Variants in RNF111 observed in about 807,000 individuals in gnomAD.
RNF111 encodes E3 ubiquitin-protein ligase Arkadia.
In RNF111, 17 loss-of-function variants were observed where a neutral mutation model predicts 95.1. The ratio of observed to expected loss-of-function variants is 0.18; its 90% confidence interval spans 0.12 to 0.27. The LOEUF is 0.27. RNF111 is among the 10% of genes least tolerant of loss of function. The pLI, the probability that RNF111 is intolerant of heterozygous loss-of-function variation, is 1.00. For missense variants in RNF111, 1,189 were observed against 1,210.4 expected (o/e 0.98, Z 0.26); for synonymous variants, 440 against 414.8 (o/e 1.06, Z -0.74).
chr15:59,020,750 G>A (rs1179691837), intron 1 of RNF111, among the ~76,000 whole-genome samples: 1 of 152,086 alleles, frequency 6.6e-6, no homozygotes, highest in African/African-American at 2.4e-5. Flanking sequence ...GAATTTAGGG[G>A]GCTGAAACAT....
chr15:59,001,204 C>T (rs903215422), intron 1 of RNF111, among the ~76,000 whole-genome samples: 1 of 152,084 alleles, frequency 6.6e-6, no homozygotes, highest in Non-Finnish European at 1.5e-5. Flanking sequence ...AGCCTAGAAA[C>T]TACTGGGGCT....
intron 4 of RNF111, among the ~76,000 whole-genome samples, chr15:59,056,752 G>T (rs2042215813): frequency 6.6e-6 from 1 of 152,100 alleles, no homozygotes; most frequent in African/African-American, 2.4e-5. Context: ...TTGTTTTGAA[G>T]CACTGTAAAT....
intron 1 of RNF111, among the ~76,000 whole-genome samples, chr15:59,019,049 G>A (rs1048069586): frequency 9.3e-5 from 14 of 151,346 alleles, no homozygotes; most frequent in Middle Eastern, 3.4e-3. Context: ...TCAGCCACCC[G>A]TGTAGGTGAG....
chr15:59,077,760 TGTTAA>T (rs1690664973), intron 7 of RNF111, among the ~76,000 whole-genome samples: 1 of 152,250 alleles, frequency 6.6e-6, no homozygotes, highest in Non-Finnish European at 1.5e-5. Context: ...AGATAAATAC[TGTTAA>T]GTTTTCTCTC....
At chr15:58,988,443 G>C (rs1038463075) in intron 1 of RNF111, 1 of 152,494 alleles carries the variant, frequency 6.6e-6, no homozygotes, top group Non-Finnish European at 1.5e-5. Context: ...CGCTAAGTCA[G>C]CCCTGACGGC....
chr15:59,075,265 A>C (rs1170159881), intron 6 of RNF111, among the ~76,000 whole-genome samples: 1 of 152,110 alleles, frequency 6.6e-6, no homozygotes, highest in East Asian at 1.9e-4. Context: ...AAAACAAAAA[A>C]CCCCGAACAT....
chr15:59,016,858 C>T (rs982176608), intron 1 of RNF111, among the ~76,000 whole-genome samples: 2 of 152,098 alleles, frequency 1.3e-5, no homozygotes, highest in Non-Finnish European at 2.9e-5. Flanking sequence ...TGCTTGAGTT[C>T]TGCTTCCTGT....
chr15:59,051,389 C>T (rs753985306), intron 2 of RNF111, among the ~76,000 whole-genome samples: 60 of 147,160 alleles, frequency 4.1e-4, no homozygotes, highest in Non-Finnish European at 7.0e-4. Context: ...ACCCAGGAGG[C>T]GGAGCTTGCA....
intron 12 of RNF111, among the ~76,000 whole-genome samples, chr15:59,092,135 T>A (rs74480339): frequency 0.031 from 4,756 of 152,298 alleles, 248 homozygotes; most frequent in African/African-American, 0.11. Context: ...ATTCAAGTTT[T>A]CAACTGTCCA....
chr15:59,095,166 T>C lies in RNF111; in HGVS notation c.*266T>C, dbSNP rs1208588229. On this transcript the variant is annotated 3_prime_UTR_variant, in exon 14 of 14. Coordinates refer to ENST00000348370, the MANE Select transcript of RNF111 (RefSeq NM_017610.8). Reference sequence around the variant, plus strand: ...GCATGGTTCCTTGTATTGCATTTCTTTGCACATATTATGGGCTTGTGACCC... The same window carrying C: ...GCATGGTTCCTTGTATTGCATTTCTCTGCACATATTATGGGCTTGTGACCC... 1 of 344,414 alleles carries C rather than the reference T, an allele frequency of 2.9e-6. No homozygotes were observed. Among genetic ancestry groups the C allele is most frequent in the Non-Finnish European group, 5.3e-6 (1 of 187,498 alleles). 21.3% of individuals were successfully genotyped at this position (344,414 alleles called of 1,614,324 possible).
At chr15:58,988,893 A>G (rs892133432) in intron 1 of RNF111, among the ~76,000 whole-genome samples, 1 of 152,172 alleles carries the variant, frequency 6.6e-6, no homozygotes, top group Non-Finnish European at 1.5e-5. Flanking sequence ...GACATAGACT[A>G]CGTTTTGTAG....
chr15:59,083,988 A>G (rs1203017977), intron 8 of RNF111, 141 bp from the exon 9 acceptor site: 1 of 581,446 alleles, frequency 1.7e-6, no homozygotes, highest in Non-Finnish European at 2.5e-6. Flanking sequence ...ATATGTTTTT[A>G]TAATTTATTA....
rs145204570 is a variant in RNF111, at chr15:59,055,770, A to T, written c.1096A>T (p.Ser366Cys). The change falls in exon 4 of 14, where the codon AGT becomes TGT. Residue 366 changes from serine to cysteine, a missense_variant. Ser to Cys is a moderately radical substitution (Grantham distance 112, BLOSUM62 -1). Coordinates refer to ENST00000348370, the MANE Select transcript of RNF111 (RefSeq NM_017610.8). The stretch of plus-strand genomic sequence containing the variant: ...TCGGCCACAGGAGCCACGGAACCGC[A>T]GTAGGATTTCTACTGTTATACAGCC... ...ASRPQEPRNR[S>C]RISTVIQPLR... 1.2e-6 allele frequency: 2 copies of T among 1,614,054 alleles called. No homozygotes were observed.
chr15:58,997,203 G>A (rs969782979), intron 1 of RNF111, among the ~76,000 whole-genome samples: 1 of 152,064 alleles, frequency 6.6e-6, no homozygotes, highest in Non-Finnish European at 1.5e-5. Context: ...TATGACCCAA[G>A]TCTTTTCTCT....
chr15:59,041,543 A>G (rs1417670507), intron 2 of RNF111, among the ~76,000 whole-genome samples: 1 of 152,180 alleles, frequency 6.6e-6, no homozygotes, highest in Non-Finnish European at 1.5e-5. Flanking sequence ...CCTGGGTGAC[A>G]GAGTGGGACT....
chr15:59,072,558 A>G (rs772822858), intron 6 of RNF111, among the ~76,000 whole-genome samples: 39 of 140,542 alleles, frequency 2.8e-4, no homozygotes, highest in Middle Eastern at 4.3e-3. Flanking sequence ...GGTTCATGCC[A>G]TTCTGCCTCA....
intron 2 of RNF111, among the ~76,000 whole-genome samples, chr15:59,045,743 A>G (rs1287549728): frequency 6.6e-6 from 1 of 152,246 alleles, no homozygotes; most frequent in East Asian, 1.9e-4. Flanking sequence ...TTAATTAACA[A>G]GTAACATGTC....
chr15:58,992,585 A>C (rs12912335), intron 1 of RNF111, among the ~76,000 whole-genome samples: 8,407 of 152,168 alleles, frequency 0.055, 394 homozygotes, highest in East Asian at 0.24. Context: ...TGGGAGGCTG[A>C]GGAAGGTGGA....
rs199616519 is a variant in RNF111, at chr15:59,031,075, C to A, written c.253C>A (p.Gln85Lys). 1 of 1,614,154 alleles carries A rather than the reference C, an allele frequency of 6.2e-7. No individual in the cohort carries two copies. Among genetic ancestry groups the A allele is most frequent in the South Asian group, 1.1e-5 (1 of 91,082 alleles). ...EKEMNGNQQE[Q>K]EKSLVVRKKR... ...GGAAATGAATGGTAACCAGCAAGAA[C>A]AAGAAAAAAGTCTCGTTGTGAGGAA... The change falls in exon 2 of 14, where the codon CAA becomes AAA. Residue 85 changes from glutamine (Q) to lysine (K), a missense_variant. Physicochemically the swap from Gln to Lys is moderately conservative, Grantham distance 53 (BLOSUM62 1). This residue lies in a region of RNF111 where 1,024 missense variants were observed against 925.9 expected (regional missense o/e 1.11). Transcript: ENST00000348370.
Sources: allele counts gnomAD v4.1 joint callset (sites outside exome capture counted in the v4.1 genomes callset), GRCh38; gene constraint gnomAD v4.1.1; regional missense constraint gnomAD v4.1.1; transcripts MANE v1.5; gene names NCBI Gene and HGNC (gene_info 2026-07-23, HGNC 2026-07-21).